SLC35F1: variants seen among roughly 807,000 people sequenced by gnomAD.
SLC35F1 encodes chromosome 6 open reading frame 169.
A neutral mutation model predicts 48.7 loss-of-function variants in SLC35F1; 14 were observed. That is an observed-to-expected ratio of 0.29 (90% CI 0.19 to 0.45). The LOEUF is 0.45. SLC35F1 is among the 20% of genes least tolerant of loss of function. The pLI is 1.00. For synonymous variants in SLC35F1, 190 were observed against 202.2 expected (o/e 0.94, Z 0.51); for missense variants, 404 against 500.0 (o/e 0.81, Z 1.83).
At chr6:117,925,966 C>G (rs1234336728) in intron 1 of SLC35F1, among the ~76,000 whole-genome samples, 1 of 152,120 alleles carries the variant, frequency 6.6e-6, no homozygotes, top group Non-Finnish European at 1.5e-5. Flanking sequence ...TCTGAGCCTG[C>G]TTTGCCCAGG....
chr6:118,170,234 A>G (rs1039772069), intron 2 of SLC35F1, among the ~76,000 whole-genome samples: 5 of 152,250 alleles, frequency 3.3e-5, no homozygotes, highest in African/African-American at 1.2e-4. Flanking sequence ...GAGAGTTAAA[A>G]TAAATGGAAA....
At chr6:117,924,991 A>C (rs1776009982) in intron 1 of SLC35F1, among the ~76,000 whole-genome samples, 1 of 152,196 alleles carries the variant, frequency 6.6e-6, no homozygotes, top group African/African-American at 2.4e-5. Flanking sequence ...CTACACATTC[A>C]AAAGGAATAT....
chr6:118,239,958 A>G (rs1486580110), intron 3 of SLC35F1, among the ~76,000 whole-genome samples: 1 of 152,196 alleles, frequency 6.6e-6, no homozygotes, highest in Admixed American at 6.5e-5. Context: ...GCTGTTTAGT[A>G]ATTTAGTTCT....
intron 2 of SLC35F1, among the ~76,000 whole-genome samples, chr6:118,162,544 T>A (rs1392762366): frequency 6.6e-6 from 1 of 152,158 alleles, no homozygotes; most frequent in East Asian, 1.9e-4. Flanking sequence ...CTTCAATGCA[T>A]CTGACTGAAG....
Position 118,212,727 on chromosome 6 carries a change from AAAGGAAGGAAGGAAGGAAGGAAGGAAGG to A in SLC35F1, c.350-22743_350-22716del, listed in dbSNP as rs755835187. 3.4e-4 allele frequency among the ~76,000 whole-genome samples: 32 copies of A among 93,720 alleles called. 1 individual carries two copies. The highest frequency in any genetic ancestry group is 1.2e-3 in the African/African-American group (29 of 23,918). 61.5% of individuals were successfully genotyped at this position (93,720 alleles called of 152,430 possible). A position where few individuals can be genotyped will look rare whatever the true frequency, so the allele number is the denominator to read the frequency against. ...AAAGAAGGAAAGGAAGGAAGGAAGG[AAAGGAAGGAAGGAAGGAAGGAAGGAAGG>A]AAGGAAGGAAGGAAGGAAGGAAGGA... On this transcript the variant is annotated intron_variant, in intron 2 of 7. Coordinates refer to ENST00000360388, the MANE Select transcript of SLC35F1 (RefSeq NM_001029858.4).
chr6:117,945,669 T>C (rs1229842841), intron 1 of SLC35F1, among the ~76,000 whole-genome samples: 3 of 152,228 alleles, frequency 2.0e-5, no homozygotes, highest in African/African-American at 7.2e-5. Context: ...CTTTCAGTAT[T>C]GCAGGTTTAA....
intron 1 of SLC35F1, among the ~76,000 whole-genome samples, chr6:118,052,107 G>C (rs12203701): frequency 0.013 from 1,917 of 151,994 alleles, 16 homozygotes; most frequent in Non-Finnish European, 0.02. Context: ...CTTCTCCTTG[G>C]GCTGTTAGTC....
At chr6:117,955,919 T>C (rs1356659298) in intron 1 of SLC35F1, among the ~76,000 whole-genome samples, 1 of 152,172 alleles carries the variant, frequency 6.6e-6, no homozygotes, top group Non-Finnish European at 1.5e-5. Context: ...GAAAAGCAAA[T>C]GTACAGGCAT....
chr6:118,136,931 A>G (rs1423305482), intron 1 of SLC35F1, among the ~76,000 whole-genome samples: 2 of 152,234 alleles, frequency 1.3e-5, no homozygotes, highest in Non-Finnish European at 2.9e-5. Flanking sequence ...GGGATTAGCT[A>G]TGGAACTGGA....
intron 7 of SLC35F1, among the ~76,000 whole-genome samples, chr6:118,309,935 G>A (rs932190694): frequency 6.6e-5 from 10 of 152,138 alleles, no homozygotes; most frequent in African/African-American, 2.4e-4. Context: ...AGCAGCACTC[G>A]GGGATTTTCA....
chr6:118,118,340 A>C lies in SLC35F1; in HGVS notation c.174-36105A>C, dbSNP rs376624943. On this transcript the variant is annotated intron_variant, in intron 1 of 7. Coordinates refer to ENST00000360388, the MANE Select transcript of SLC35F1 (RefSeq NM_001029858.4). ...AATTTTAAAAATTTTACCCTGGACT[A>C]TTGTGTCAACTCATTCTATTTATCA... is the stretch of plus-strand genomic sequence containing the variant. Among the ~76,000 whole-genome samples the C allele has an allele frequency of 3.5e-4, 53 of 152,250 alleles. 1 individual carries two copies. In the South Asian group the frequency reaches 8.1e-3, roughly 23 times the overall value.
intron 1 of SLC35F1, among the ~76,000 whole-genome samples, chr6:118,102,739 G>A (rs1205989395): frequency 2.6e-5 from 4 of 152,172 alleles, no homozygotes; most frequent in Non-Finnish European, 5.9e-5. Context: ...CCATTTGTAG[G>A]TCTGTTTCCA....
chr6:118,296,888 C>T (rs1269399150), intron 7 of SLC35F1, among the ~76,000 whole-genome samples: 1 of 152,176 alleles, frequency 6.6e-6, no homozygotes, highest in Non-Finnish European at 1.5e-5. Flanking sequence ...CCCATTCAGT[C>T]TCCTAATTTT....
At chr6:118,261,193 G>C (rs1339987945) in intron 3 of SLC35F1, among the ~76,000 whole-genome samples, 4 of 152,102 alleles carry the variant, frequency 2.6e-5, no homozygotes, top group African/African-American at 9.7e-5. Context: ...ACCACACGAA[G>C]CCCAACAGCC....
chr6:118,245,217 T>C (rs533319387), intron 3 of SLC35F1, among the ~76,000 whole-genome samples: 2 of 152,228 alleles, frequency 1.3e-5, no homozygotes, highest in Non-Finnish European at 2.9e-5. Context: ...ACCCTCCACC[T>C]GGCTAAGTAG....
chr6:117,936,530 C>T (rs1266282029), intron 1 of SLC35F1, among the ~76,000 whole-genome samples: 1 of 152,196 alleles, frequency 6.6e-6, no homozygotes, highest in Non-Finnish European at 1.5e-5. Context: ...TGGTTTTCCT[C>T]ATCAAAGACT....
At chr6:118,289,110 T>C (rs889547173) in intron 7 of SLC35F1, among the ~76,000 whole-genome samples, 1 of 152,196 alleles carries the variant, frequency 6.6e-6, no homozygotes, top group African/African-American at 2.4e-5. Flanking sequence ...GTGTTACCCT[T>C]AGGGATTGAG....
intron 1 of SLC35F1, among the ~76,000 whole-genome samples, chr6:117,988,714 A>G (rs1776879489): frequency 6.6e-6 from 1 of 152,200 alleles, no homozygotes; most frequent in African/African-American, 2.4e-5. Context: ...GATAAACACC[A>G]TGGCTTAATA....
At chr6:118,297,163 C>T (rs542373232) in intron 7 of SLC35F1, among the ~76,000 whole-genome samples, 1 of 152,144 alleles carries the variant, frequency 6.6e-6, no homozygotes, top group East Asian at 1.9e-4. Flanking sequence ...ATTTCCTTGA[C>T]TTTTACTGTA....
Sources: gnomAD v4.1 joint callset for allele counts (sites outside exome capture counted in the v4.1 genomes callset) on GRCh38, gnomAD v4.1.1 for gene constraint, MANE v1.5 for transcripts, NCBI Gene and HGNC (gene_info 2026-07-23, HGNC 2026-07-21) for gene names.